Variants in OGFOD2 observed in about 807,000 individuals in gnomAD.
OGFOD2 encodes 2-oxoglutarate and iron-dependent oxygenase domain-containing protein 2.
Under a neutral mutation model 31.1 loss-of-function variants are expected in OGFOD2, and 34 were observed. The observed-to-expected ratio is 1.09, with a 90% confidence interval of 0.83 to 1.45. The LOEUF (loss-of-function observed/expected upper bound fraction) is 1.45, where lower values mean the gene tolerates loss of function less well. OGFOD2 is among the 40% of genes most tolerant of loss of function. OGFOD2 has a pLI of 0.00. For synonymous variants in OGFOD2, 240 were observed against 192.3 expected, an observed-to-expected ratio of 1.25 and a Z score of -2.05; for missense variants, 537 against 433.9, an observed-to-expected ratio of 1.24 and a Z score of -2.11.
At chr12:122,978,885 G>A (rs569953180) in exon 6 of OGFOD2, 3 of 1,612,610 alleles carry the variant, frequency 1.9e-6, no homozygotes, top group East Asian at 2.2e-5. Context: ...GGCCTTTGTG[G>A]TCAAATACGC....
At chr12:122,977,050 C>G in intron 4 of OGFOD2, 80 bp downstream of exon 4, 1 of 1,369,490 alleles carries the variant, frequency 7.3e-7, no homozygotes, top group Non-Finnish European at 1.0e-6. Flanking sequence ...TGGGGTCCCT[C>G]CAGCCACCAT....
intron 4 of OGFOD2, chr12:122,977,940 T>G: frequency 6.3e-6 from 1 of 157,640 alleles, no homozygotes; most frequent in Non-Finnish European, 1.4e-5. Context: ...CGCCAAGAAA[T>G]GTTTAGGTTT....
intron 2 of OGFOD2, chr12:122,976,246 C>T (rs761834383): frequency 2.2e-5 from 17 of 769,814 alleles, no homozygotes; most frequent in Middle Eastern, 2.5e-4. Context: ...TACCATATAC[C>T]CCGCAGGCTG....
intron 2 of OGFOD2, chr12:122,976,353 G>A: frequency 1.2e-6 from 2 of 1,613,194 alleles, no homozygotes; most frequent in African/African-American, 1.3e-5. Context: ...TGGAACACAG[G>A]ACTTGGCCAT....
At chr12:122,975,378 G>A in exon 1 of OGFOD2, 1 of 699,490 alleles carries the variant, frequency 1.4e-6, no homozygotes, top group Middle Eastern at 2.4e-4. Context: ...CCGGGACTAC[G>A]GCCCGGTGAG....
exon 7 of OGFOD2, chr12:122,979,403 C>T: frequency 1.3e-6 from 2 of 1,529,134 alleles, no homozygotes; most frequent in Non-Finnish European, 1.8e-6. Context: ...TTGCCTTGGT[C>T]TGGGGGCAGA....
upstream of OGFOD2, chr12:122,975,070 G>C: frequency 2.1e-6 from 1 of 468,480 alleles, no homozygotes. Context: ...GGAGGCCGCC[G>C]GTCCCAACCC....
chr12:122,979,195 G>A lies in OGFOD2; in HGVS notation c.902G>A (p.Trp301Ter), dbSNP rs772244444. 2 of 1,612,168 alleles carry A rather than the reference G, an allele frequency of 1.2e-6. No homozygotes were observed. Among genetic ancestry groups the A allele is most frequent in the South Asian group, 2.2e-5 (2 of 91,082 alleles). ...CGGCCCTTGGGCACTGGTGAGCGTT[G>A]GAACCTTGTCGTCTGGCTCCGAGCC... Residue 301 changes from tryptophan (W) to a stop codon, truncating the protein, a stop_gained, in exon 7 of 7, where the codon TGG (tryptophan) becomes TAG (stop). Coordinates refer to ENST00000228922, the Ensembl canonical transcript of OGFOD2. LOFTEE classifies it high-confidence loss of function.
chr12:122,977,050 C>T, intron 4 of OGFOD2, 80 bp downstream of exon 4: 1 of 1,369,490 alleles, frequency 7.3e-7, no homozygotes, highest in Non-Finnish European at 1.0e-6. Context: ...TGGGGTCCCT[C>T]CAGCCACCAT....
intron 3 of OGFOD2, 25 bp from the exon 4 acceptor site, chr12:122,976,846 C>T (rs1200891373): frequency 5.0e-6 from 8 of 1,596,488 alleles, no homozygotes; most frequent in Admixed American, 1.7e-5. Flanking sequence ...CTGCCTGCCC[C>T]ACAGCTGGTG....
intron 4 of OGFOD2, chr12:122,977,781 C>T (rs980600709): frequency 3.3e-5 from 5 of 153,398 alleles, no homozygotes; most frequent in African/African-American, 1.2e-4. Context: ...ATGAATCCCC[C>T]TCCTCCCAGC....
At chr12:122,976,595 G>C (rs763079284) in intron 2 of OGFOD2, 59 bp from the exon 3 acceptor site, 31 of 1,361,064 alleles carry the variant, frequency 2.3e-5, no homozygotes, top group African/African-American at 5.7e-5. Flanking sequence ...TTCTTCATCT[G>C]TACAGTGGCC....
chr12:122,975,311 C>T (rs1251678731), exon 1 of OGFOD2: 3 of 702,160 alleles, frequency 4.3e-6, no homozygotes, highest in Non-Finnish European at 5.2e-6. Context: ...GCACCGATAA[C>T]TTGTACGTGG....
chr12:122,978,764 C>G lies in OGFOD2; in HGVS notation c.543C>G (p.His181Gln), dbSNP rs775958698. The G allele has an allele frequency of 8.7e-6, 14 of 1,607,872 alleles. No homozygotes were observed. Among genetic ancestry groups the G allele is most frequent in the South Asian group, 2.2e-5 (2 of 90,830 alleles). Reference sequence around the variant, plus strand: ...GAATCCCCTCCCAGGTGCTGCTGCACGAGCTCGGGCTGGACGAGCCGCTGA... The same window carrying G: ...GAATCCCCTCCCAGGTGCTGCTGCAGGAGCTCGGGCTGGACGAGCCGCTGA... Residue 181 changes from histidine (H) to glutamine (Q), a missense_variant, in exon 6 of 7, where the codon CAC (histidine) becomes CAG (glutamine). His to Gln is a conservative substitution (Grantham distance 24). Transcript: ENST00000228922.
At chr12:122,978,671 G>T (rs2037506783) in intron 5 of OGFOD2, 82 bp from the exon 6 acceptor site, 5 of 1,586,894 alleles carry the variant, frequency 3.2e-6, no homozygotes, top group Non-Finnish European at 4.3e-6. Flanking sequence ...GCGAAAGAAG[G>T]TCACAGTGGG....
At chr12:122,980,039 A>G in exon 7 of OGFOD2, 1 of 508,024 alleles carries the variant, frequency 2.0e-6, no homozygotes, top group Non-Finnish European at 3.1e-6. Flanking sequence ...AGTGCTTTGC[A>G]AGATCCCTTT....
intron 4 of OGFOD2, chr12:122,978,157 C>T (rs900997413): frequency 3.3e-6 from 1 of 302,778 alleles, no homozygotes; most frequent in African/African-American, 2.1e-5. Context: ...GCTGGGTGTC[C>T]CTGGGCTACT....
At chr12:122,978,759 C>T in exon 6 of OGFOD2, 1 of 1,607,836 alleles carries the variant, frequency 6.2e-7, no homozygotes, top group South Asian at 1.1e-5. Context: ...CCAGGTGCTG[C>T]TGCACGAGCT....
rs1451184585 is a variant in OGFOD2 at position 122,978,509 on chromosome 12, G to A, written c.471G>A (p.Leu157=). Reference sequence around the variant, plus strand: ...TCTGCCAGGCCCTGCTGGAAGAGCTGGAGCACTTCGAGCAATCGGACATGC... The same window carrying A: ...TCTGCCAGGCCCTGCTGGAAGAGCTAGAGCACTTCGAGCAATCGGACATGC... The change falls in exon 5 of 7, where the codon CTG becomes CTA. Residue 157 remains leucine, a synonymous_variant. Transcript: ENST00000228922. 5.0e-6 allele frequency: 8 copies of A among 1,613,404 alleles called. No individual in the cohort carries two copies. The Admixed American group carries it at 8.3e-5, about 17-fold the overall frequency.
Sources: allele counts gnomAD v4.1 joint callset, GRCh38; gene constraint gnomAD v4.1.1; transcripts MANE v1.5; gene names NCBI Gene and HGNC (gene_info 2026-07-23, HGNC 2026-07-21).